Variants in CRIP2 observed in about 807,000 individuals in gnomAD.
The protein encoded by CRIP2 is cysteine rich protein 2, also known as cysteine-rich protein 2.
Under a neutral mutation model 31.3 loss-of-function variants are expected in CRIP2, and 31 were observed. The observed-to-expected ratio is 0.99, with a 90% CI of 0.74 to 1.34. The LOEUF (loss-of-function observed/expected upper bound fraction) is 1.34. CRIP2 is among the 40% of genes most tolerant of loss of function. The probability of loss-of-function intolerance (pLI) is 0.00; values close to 1 mark genes in which losing one functional copy is unlikely to be tolerated. For synonymous variants in CRIP2, 177 were observed against 127.2 expected (o/e 1.39, Z -2.63); for missense variants, 389 against 301.6 (o/e 1.29, Z -2.15).
chr14:105,479,985 C>A lies in CRIP2; in HGVS notation c.*332C>A. 1 of 363,494 alleles carries A rather than the reference C, an allele frequency of 2.8e-6. No individual in the cohort carries two copies. The highest frequency in any genetic ancestry group is 5.2e-6 in the Non-Finnish European group (1 of 193,028). 22.5% of individuals were successfully genotyped at this position (363,494 alleles called of 1,614,324 possible). A position where few individuals can be genotyped will look rare whatever the true frequency, so the allele number is the denominator to read the frequency against. On this transcript the variant is annotated 3_prime_UTR_variant, in exon 8 of 8. Transcript: ENST00000329146. ...CCTCTCCTGCTGCCCACCCACCTGC[C>A]AGTGTTATTTATGCTCCCTTCGTGG...
chr14:105,473,998 G>C (rs868954467), upstream of CRIP2, among the ~76,000 whole-genome samples: 1 of 152,174 alleles, frequency 6.6e-6, no homozygotes, highest in Non-Finnish European at 1.5e-5. Context: ...CCGCCTCCCC[G>C]GCCGCCCCCT....
At position 105,478,937 on chromosome 14, in the gene CRIP2, GCACCCC is replaced by G; in HGVS notation, c.338-40_338-35del. 6.5e-7 allele frequency: 1 copy of G among 1,528,518 alleles called. No individual in the cohort carries two copies. Among genetic ancestry groups the G allele is most frequent in the Non-Finnish European group, 8.8e-7 (1 of 1,142,240 alleles). The allele number at this position is 1,528,518 out of a possible 1,614,324, so 94.7% of individuals were successfully genotyped here. On this transcript the variant is annotated intron_variant, in intron 4 of 7. Transcript: ENST00000329146. This position sits in a 1 kb window ranked among gnomAD's most constrained non-coding sequence, Gnocchi z 4.9. Reference sequence around the variant, plus strand: ...CGCGGGCTGGGGCTGGGGGTTGTGGGCACCCCCGGCCCCGCCCCGCCCTGACTCGTG... The same window carrying G: ...CGCGGGCTGGGGCTGGGGGTTGTGGGCGGCCCCGCCCCGCCCTGACTCGTG...
At chr14:105,473,078 G>A (rs965185539), upstream of CRIP2, 333 of 726,980 alleles carry the variant, frequency 4.6e-4, 2 homozygotes, top group Non-Finnish European at 6.5e-4. Flanking sequence ...AGTCAGGGAG[G>A]GTAATGGCTT....
At chr14:105,476,113 T>G (rs2083927839) in intron 1 of CRIP2, 1 of 985,350 alleles carries the variant, frequency 1.0e-6, no homozygotes, top group African/African-American at 1.7e-5. Context: ...TCAGTCTCTG[T>G]CCCAGCGAGG....
At chr14:105,477,394 G>A (rs782753227) in intron 1 of CRIP2, 1 of 985,232 alleles carries the variant, frequency 1.0e-6, no homozygotes, top group African/African-American at 1.7e-5. Context: ...TCCACAGACA[G>A]ATGAGGGTCC....
Position 105,479,164 on chromosome 14 carries a change from C to G in CRIP2, c.446C>G (p.Pro149Arg), listed in dbSNP as rs1205961466. 1 of 1,611,766 alleles carries G rather than the reference C, an allele frequency of 6.2e-7. No individual in the cohort carries two copies. The highest frequency in any genetic ancestry group is 1.1e-5 in the South Asian group (1 of 91,068). Residue 149 changes from proline (P) to arginine (R), a missense_variant, in exon 6 of 8, where the codon CCC becomes CGC. By Grantham distance (103) the Pro-to-Arg change is moderately radical. Coordinates refer to ENST00000329146, the MANE Select transcript of CRIP2 (RefSeq NM_001312.4). ...TCTCTGGGCAAGGATTGGCACCGGC[C>G]CTGCCTGCGCTGCGAGCGCTGCGGG... ...VTSLGKDWHR[P>R]CLRCERCGKT...
chr14:105,477,269 G>A, intron 1 of CRIP2: 1 of 985,428 alleles, frequency 1.0e-6, no homozygotes, highest in South Asian at 4.7e-5. Flanking sequence ...CAGTGTGGGG[G>A]TGGGAGGCAG....
rs782666397 is a variant in CRIP2 at position 105,479,121 on chromosome 14, C to T, written c.407-4C>T. On this transcript the variant is annotated splice_polypyrimidine_tract_variant and splice_region_variant and intron_variant, in intron 5 of 7. Coordinates refer to ENST00000329146, the MANE Select transcript of CRIP2 (RefSeq NM_001312.4). The stretch of plus-strand genomic sequence containing the variant: ...GGCTCGGCCTCACTCCTCCCCCTTT[C>T]CAGCTGAGAAGGTGACGTCTCTGGG... 1 of 1,611,318 alleles carries T rather than the reference C, an allele frequency of 6.2e-7. No individual in the cohort carries two copies. The highest frequency in any genetic ancestry group is 8.5e-7 in the Non-Finnish European group (1 of 1,179,314).
Position 105,478,587 on chromosome 14 carries a change from C to A in CRIP2, c.196+80C>A. 1 of 1,536,646 alleles carries A rather than the reference C, an allele frequency of 6.5e-7. No individual in the cohort carries two copies. Among genetic ancestry groups the A allele is most frequent in the Non-Finnish European group, 8.8e-7 (1 of 1,141,044 alleles). On this transcript the variant is annotated intron_variant, in intron 3 of 7. Transcript: ENST00000329146. This position sits in a 1 kb window ranked among gnomAD's most constrained non-coding sequence, Gnocchi z 4.9. ...CTGGCGCTGGGGAGGGCTGGGGGTC[C>A]CGGCCGCCGTGGATCCCCGCCCAGA...
In CRIP2 at chr14:105,478,651, C is replaced by G. The variant is rs2084008762; in HGVS notation, c.197-80C>G. The G allele has an allele frequency of 7.5e-6, 11 of 1,466,540 alleles. 1 individual carries two copies. In the South Asian group the frequency reaches 1.4e-4, roughly 19 times the overall value. 90.8% of individuals were successfully genotyped at this position (1,466,540 alleles called of 1,614,324 possible). ...TGGAAAGCCTAGTGCCCCCCAGTCC[C>G]CAGCGGGCCGTTTTCTGAGATGCCC... On this transcript the variant is annotated intron_variant, in intron 3 of 7. Coordinates refer to ENST00000329146, the MANE Select transcript of CRIP2 (RefSeq NM_001312.4). The surrounding 1 kb of genome is among the most constrained non-coding windows in gnomAD (Gnocchi z 4.9).
intron 1 of CRIP2, chr14:105,477,383 A>C: frequency 1.0e-6 from 1 of 985,176 alleles, no homozygotes; most frequent in East Asian, 1.1e-4. Context: ...AGGACGAGGA[A>C]TCCACAGACA....
upstream of CRIP2, chr14:105,474,734 T>C (rs1706676632): frequency 1.9e-6 from 2 of 1,029,368 alleles, no homozygotes; most frequent in Admixed American, 1.2e-4. This position sits in a 1 kb window ranked among gnomAD's most constrained non-coding sequence, Gnocchi z 5.1. Flanking sequence ...GGGGGACGGG[T>C]TATCGAGGCC....
rs2083985606 is a variant in CRIP2 at position 105,478,020 on chromosome 14, G to T, written c.44-246G>T. ...GGGCAGCCCCGGGCCCCTTCTCAAA[G>T]GCGGCTCTAGCGGGGTTCCAGGGCT... On this transcript the variant is annotated intron_variant, in intron 1 of 7. Coordinates refer to ENST00000329146, the MANE Select transcript of CRIP2 (RefSeq NM_001312.4). This position sits in a 1 kb window ranked among gnomAD's most constrained non-coding sequence, Gnocchi z 4.9. 6.6e-6 allele frequency among the ~76,000 whole-genome samples: 1 copy of T among 151,736 alleles called. No homozygotes were observed.
chr14:105,476,034 C>T, intron 1 of CRIP2: 1 of 985,582 alleles, frequency 1.0e-6, no homozygotes, highest in Non-Finnish European at 1.2e-6. Context: ...CGGATTTGGC[C>T]TGGAGTGCTT....
intron 1 of CRIP2, chr14:105,477,191 C>A: frequency 1.2e-6 from 1 of 836,958 alleles, no homozygotes; most frequent in Non-Finnish European, 1.4e-6. Flanking sequence ...TGCCCCTCCC[C>A]ACCTCTTCCT....
chr14:105,478,286 G>A lies in CRIP2; in HGVS notation c.64G>A (p.Gly22Arg). 1 of 1,567,884 alleles carries A rather than the reference G, an allele frequency of 6.4e-7. No individual in the cohort carries two copies. Among genetic ancestry groups the A allele is most frequent in the Non-Finnish European group, 8.6e-7 (1 of 1,158,736 alleles). The change falls in exon 2 of 8, where the codon GGG (glycine) becomes AGG (arginine). Residue 22 changes from glycine (G) to arginine (R), a missense_variant. Physicochemically the swap from Gly to Arg is moderately radical, Grantham distance 125 (BLOSUM62 -2). Transcript: ENST00000329146. The surrounding 1 kb of genome is among the most constrained non-coding windows in gnomAD (Gnocchi z 4.9). ...CTCAGCCGAGAAGGTGAGCTCCCTG[G>A]GGAAGGACTGGCACAAGTTCTGCCT... ...VYFAEKVSSL[G>R]KDWHKFCLKC...
rs1555436681 is a variant in CRIP2 at position 105,479,061 on chromosome 14, CG to C, written c.406+17del. 6.4e-7 allele frequency: 1 copy of C among 1,566,292 alleles called. No homozygotes were observed. The highest frequency in any genetic ancestry group is 8.6e-7 in the Non-Finnish European group (1 of 1,156,850). ...AGGTGTACTTCGGTGAGTGCGCGCC[CG>C]GGCCCCGGACCCCCGCCCCCGCCCC... On this transcript the variant is annotated intron_variant, in intron 5 of 7. Transcript: ENST00000329146.
In CRIP2 at chr14:105,478,378, G is replaced by T; in HGVS notation, c.138+18G>T. 6.4e-7 allele frequency: 1 copy of T among 1,572,332 alleles called. No individual in the cohort carries two copies. ...ACGCCGAGGTGAGCCCCACTGCGCG[G>T]CGCGGGCGGGGGCGGGGGTCGCGAC... On this transcript the variant is annotated intron_variant, in intron 2 of 7. Coordinates refer to ENST00000329146, the MANE Select transcript of CRIP2 (RefSeq NM_001312.4). The surrounding 1 kb of genome is among the most constrained non-coding windows in gnomAD (Gnocchi z 4.9).
At chr14:105,476,998 CCAGA>C (rs758363716) in intron 1 of CRIP2, 1 of 179,096 alleles carries the variant, frequency 5.6e-6, no homozygotes, top group African/African-American at 2.4e-5. Flanking sequence ...CCGATATCTG[CCAGA>C]CAAAGGGGGC....
Sources: gnomAD v4.1 joint callset for allele counts (sites outside exome capture counted in the v4.1 genomes callset) on GRCh38, gnomAD v4.1.1 for gene constraint, Gnocchi (gnomAD v3.1) non-coding constraint, MANE v1.5 for transcripts, NCBI Gene and HGNC (gene_info 2026-07-23, HGNC 2026-07-21) for gene names.